The following PCDHGB3 variants were observed in gnomAD, a reference collection of about 807,000 sequenced individuals.
The protein encoded by PCDHGB3 is protocadherin gamma-B3.
In PCDHGB3, 40 loss-of-function variants were observed where a neutral mutation model predicts 59.2. The observed-to-expected ratio is 0.68, with a 90% confidence interval of 0.52 to 0.88. PCDHGB3 has a LOEUF of 0.88. Among genes scored for constraint, PCDHGB3 ranks in the 40% least tolerant of loss-of-function variants. The pLI is 0.00. For synonymous variants in PCDHGB3, 581 were observed against 503.6 expected, an observed-to-expected ratio of 1.15 and a Z score of -2.06; for missense variants, 1,309 against 1,187.9, an observed-to-expected ratio of 1.10 and a Z score of -1.50.
chr5:141,464,377 T>A (rs1410334231), intron 1 of PCDHGB3, among the ~76,000 whole-genome samples: 3 of 151,486 alleles, frequency 2.0e-5, no homozygotes, highest in Admixed American at 2.0e-4. Flanking sequence ...TTTTGCAATA[T>A]AAAAAATGCT....
At chr5:141,426,487 G>A (rs999549044) in intron 1 of PCDHGB3, 2 of 333,788 alleles carry the variant, frequency 6.0e-6, no homozygotes, top group African/African-American at 4.3e-5. Context: ...AAACCTTAGA[G>A]TTAGTGCAGA....
chr5:141,494,439 C>T (rs1009257996), intron 1 of PCDHGB3, among the ~76,000 whole-genome samples: 1 of 152,126 alleles, frequency 6.6e-6, no homozygotes, highest in Non-Finnish European at 1.5e-5. Flanking sequence ...CCTCCTTTGC[C>T]ACTTTAGGGG....
chr5:141,489,951 T>C lies in PCDHGB3; in HGVS notation c.2416-4856T>C. On this transcript the variant is annotated intron_variant, in intron 1 of 3. Coordinates refer to ENST00000576222, the MANE Select transcript of PCDHGB3 (RefSeq NM_018924.5). The surrounding 1 kb of genome is among the most constrained non-coding windows in gnomAD (Gnocchi z 4.5). ...CTGTCATCGTGCTGGACATCAATGATAATGCTCCAACCTTCCAATCCTCAG... is the reference window on the plus strand; with the variant it reads ...CTGTCATCGTGCTGGACATCAATGACAATGCTCCAACCTTCCAATCCTCAG... 6.2e-7 allele frequency: 1 copy of C among 1,614,210 alleles called. No homozygotes were observed. Among genetic ancestry groups the C allele is most frequent in the Non-Finnish European group, 8.5e-7 (1 of 1,180,032 alleles).
chr5:141,497,954 G>A (rs1203635313), intron 2 of PCDHGB3, among the ~76,000 whole-genome samples: 7 of 152,198 alleles, frequency 4.6e-5, no homozygotes, highest in Non-Finnish European at 1.5e-5. Context: ...CTTTCTGTTG[G>A]CCAGGCAGTG....
chr5:141,460,027 G>A (rs1002703325), intron 1 of PCDHGB3, among the ~76,000 whole-genome samples: 3 of 152,088 alleles, frequency 2.0e-5, no homozygotes, highest in East Asian at 1.9e-4. Flanking sequence ...GCAGTGAGCC[G>A]AGACTGCACC....
intron 1 of PCDHGB3, chr5:141,411,226 C>G (rs781690096): frequency 6.6e-6 from 1 of 151,996 alleles, no homozygotes; most frequent in South Asian, 2.1e-4. Flanking sequence ...TTCAAATTTG[C>G]GAAGACTTAG....
intron 1 of PCDHGB3, chr5:141,419,929 T>C: frequency 6.2e-7 from 1 of 1,614,076 alleles, no homozygotes; most frequent in Non-Finnish European, 8.5e-7. Context: ...AGATGCAGTT[T>C]TACCTGGTGG....
chr5:141,478,642 T>A (rs777741719), intron 1 of PCDHGB3: 1 of 1,552,350 alleles, frequency 6.4e-7, no homozygotes, highest in South Asian at 1.2e-5. Context: ...GTGATGAAGA[T>A]GTTTTCCTGG....
chr5:141,404,942 A>G, intron 1 of PCDHGB3: 2 of 1,613,982 alleles, frequency 1.2e-6, no homozygotes, highest in South Asian at 1.1e-5. Context: ...CACAGTAGCC[A>G]TAGCTGACAG....
intron 1 of PCDHGB3, among the ~76,000 whole-genome samples, chr5:141,445,937 A>C (rs2098482193): frequency 6.6e-6 from 1 of 152,202 alleles, no homozygotes; most frequent in African/African-American, 2.4e-5. Flanking sequence ...TGAATTATTA[A>C]GCTTACTCTG....
At chr5:141,465,150 G>A (rs192648619) in intron 1 of PCDHGB3, among the ~76,000 whole-genome samples, 474 of 151,492 alleles carry the variant, frequency 3.1e-3, no homozygotes, top group Middle Eastern at 0.024. Context: ...GATATATGAA[G>A]GGACTCTAAA....
chr5:141,389,581 G>C, intron 1 of PCDHGB3: 1 of 1,613,202 alleles, frequency 6.2e-7, no homozygotes, highest in East Asian at 2.2e-5. Context: ...CCCGCGCTGG[G>C]TCCCGACGGC....
At chr5:141,448,216 G>A (rs766377717) in intron 1 of PCDHGB3, among the ~76,000 whole-genome samples, 41 of 152,046 alleles carry the variant, frequency 2.7e-4, no homozygotes, top group African/African-American at 1.7e-4. Context: ...GTGTGTATGC[G>A]AATGTATGTG....
intron 1 of PCDHGB3, chr5:141,411,384 A>G (rs1280664726): frequency 6.6e-6 from 1 of 152,092 alleles, no homozygotes; most frequent in Non-Finnish European, 1.5e-5. Context: ...AGCCTGGGCA[A>G]TATAGGGAGA....
intron 1 of PCDHGB3, among the ~76,000 whole-genome samples, chr5:141,473,383 C>A (rs976400317): frequency 3.3e-5 from 5 of 152,200 alleles, no homozygotes; most frequent in African/African-American, 9.6e-5. Context: ...GGTCCCTGCC[C>A]TCCTGGAGCT....
intron 1 of PCDHGB3, chr5:141,377,681 T>C (rs1458996309): frequency 6.6e-6 from 1 of 152,182 alleles, no homozygotes; most frequent in Non-Finnish European, 1.5e-5. Flanking sequence ...ACAAGAGATC[T>C]TTCACCTTTA....
intron 1 of PCDHGB3, among the ~76,000 whole-genome samples, chr5:141,406,975 C>A (rs1434644612): frequency 6.6e-6 from 1 of 152,108 alleles, no homozygotes; most frequent in African/African-American, 2.4e-5. Flanking sequence ...TAGTAAATAA[C>A]ATTTCACAAG....
chr5:141,384,792 C>T lies in PCDHGB3; in HGVS notation c.2415+11983C>T, dbSNP rs374905153. ...CGGGCGAGGTGCGCACGGCTCGGGC[C>T]CTGCTGGACAGAGATGCCCTCAAGC... On this transcript the variant is annotated intron_variant, in intron 1 of 3. Transcript: ENST00000576222. The T allele has an allele frequency of 5.0e-6, 8 of 1,613,404 alleles. No homozygotes were observed. The African/African-American group carries it at 6.7e-5, about 13-fold the overall frequency.
chr5:141,384,817 CA>C (rs1780547722), intron 1 of PCDHGB3: 1 of 1,613,416 alleles, frequency 6.2e-7, no homozygotes, highest in Non-Finnish European at 8.5e-7. Flanking sequence ...TGCCCTCAAG[CA>C]GAGCCTCGTG....
Sources: gnomAD v4.1 joint callset for allele counts (sites outside exome capture counted in the v4.1 genomes callset) on GRCh38, gnomAD v4.1.1 for gene constraint, Gnocchi (gnomAD v3.1) non-coding constraint, MANE v1.5 for transcripts, NCBI Gene and HGNC (gene_info 2026-07-23, HGNC 2026-07-21) for gene names.